The following ELAPOR1 variants were observed in gnomAD, a reference collection of about 807,000 sequenced individuals.
The protein encoded by ELAPOR1 is endosome/lysosome-associated apoptosis and autophagy regulator 1.
Under a neutral mutation model 119.7 loss-of-function variants are expected in ELAPOR1, and 77 were observed. That is an observed-to-expected ratio of 0.64 (90% CI 0.54 to 0.78). ELAPOR1 has a LOEUF of 0.78. Among genes scored for constraint, ELAPOR1 ranks in the 30% least tolerant of loss-of-function variants. The probability of loss-of-function intolerance (pLI) is 0.00; values close to 1 mark genes in which losing one functional copy is unlikely to be tolerated. For synonymous variants in ELAPOR1, 481 were observed against 487.2 expected, an observed-to-expected ratio of 0.99 and a Z score of 0.17; for missense variants, 1,115 against 1,270.4, an observed-to-expected ratio of 0.88 and a Z score of 1.86.
chr1:109,187,575 C>G, intron 8 of ELAPOR1: 6 of 1,002,074 alleles, frequency 6.0e-6, no homozygotes, highest in Non-Finnish European at 7.2e-6. Flanking sequence ...TGGAGCTGCC[C>G]ACCTTCACCC....
At chr1:109,153,887 C>T (rs1650693514) in intron 1 of ELAPOR1, among the ~76,000 whole-genome samples, 2 of 151,930 alleles carry the variant, frequency 1.3e-5, no homozygotes, top group Non-Finnish European at 2.9e-5. Flanking sequence ...TGTGCCCGGC[C>T]CAGATTTTTA....
At chr1:109,138,424 C>G (rs1649610559) in intron 1 of ELAPOR1, among the ~76,000 whole-genome samples, 1 of 152,100 alleles carries the variant, frequency 6.6e-6, no homozygotes. Context: ...CACAGAGGCA[C>G]CTGCCCAGGT....
In ELAPOR1 at chr1:109,192,861, C is replaced by T. The variant is rs1653540582; in HGVS notation, c.1934C>T (p.Thr645Ile). ...VQACVPCGPG[T>I]KNNKIHSLCY... ...GCCTGTGTGCCCTGTGGTCCAGGGA[C>T]CAAGAACAACAAGGTACCTGTAGTC... The change falls in exon 14 of 22, where the codon ACC becomes ATC. Residue 645 changes from threonine to isoleucine, a missense_variant. Physicochemically the swap from Thr to Ile is moderately conservative, Grantham distance 89. Coordinates refer to ENST00000369939, the MANE Select transcript of ELAPOR1 (RefSeq NM_020775.5). The T allele has an allele frequency of 6.2e-7, 1 of 1,613,726 alleles. No homozygotes were observed. The highest frequency in any genetic ancestry group is 8.5e-7 in the Non-Finnish European group (1 of 1,179,960).
chr1:109,197,614 G>A lies in ELAPOR1; in HGVS notation c.2262G>A (p.Gly754=), dbSNP rs370324946. 6.2e-7 allele frequency: 1 copy of A among 1,614,180 alleles called. No individual in the cohort carries two copies. ...CAGAGGTGACAGGCTACAAGGCCGGGGTTTCCTCACAGCCTGTCAGCCTTG... is the reference window on the plus strand; with the variant it reads ...CAGAGGTGACAGGCTACAAGGCCGGAGTTTCCTCACAGCCTGTCAGCCTTG... The part of the protein sequence containing the change: ...IPPEVTGYKA[G]VSSQPVSLAD... Residue 754 remains glycine (G), a synonymous_variant, in exon 16 of 22, where the codon GGG becomes GGA. Transcript: ENST00000369939.
intron 21 of ELAPOR1, chr1:109,201,305 G>T (rs1305392392): frequency 1.1e-5 from 5 of 457,562 alleles, no homozygotes; most frequent in Admixed American, 4.7e-5. Context: ...CCAGTGGGGG[G>T]TGCTGTCTTC....
rs1290193801 is a variant in ELAPOR1, at chr1:109,179,396, G to A, written c.952+5559G>A. 3.0e-5 allele frequency among the ~76,000 whole-genome samples: 4 copies of A among 134,194 alleles called. No homozygotes were observed. The Admixed American group carries it at 3.1e-4, about 10-fold the overall frequency. The allele number at this position is 134,194 out of a possible 152,430, so 88.0% of individuals were successfully genotyped here. On this transcript the variant is annotated intron_variant, in intron 7 of 21. Transcript: ENST00000369939. ...TGCACTCCAGCCTGGGTGACAGAGT[G>A]AGACTCTGTCTCCAAAAAAAAAAAA...
At position 109,175,051 on chromosome 1, in the gene ELAPOR1, G is replaced by T. The variant is rs573911894; in HGVS notation, c.952+1214G>T. On this transcript the variant is annotated intron_variant, in intron 7 of 21. Coordinates refer to ENST00000369939, the MANE Select transcript of ELAPOR1 (RefSeq NM_020775.5). ...CTTTTTGTTGCTGTTGTAGAAACAC[G>T]GTCTCACTGTGTTGCCCAGGCTGGT... Among the ~76,000 whole-genome samples the T allele has an allele frequency of 5.9e-5, 9 of 151,866 alleles. No homozygotes were observed. The South Asian group carries it at 1.9e-3, about 32-fold the overall frequency.
intron 8 of ELAPOR1, 120 bp downstream of exon 8, chr1:109,185,253 A>G: frequency 1.3e-6 from 1 of 767,630 alleles, no homozygotes; most frequent in South Asian, 1.5e-5. Flanking sequence ...AACCCCACAG[A>G]CCTTTGAGGT....
intron 7 of ELAPOR1, among the ~76,000 whole-genome samples, chr1:109,176,600 T>C (rs1036830076): frequency 1.3e-5 from 2 of 151,044 alleles, no homozygotes; most frequent in Non-Finnish European, 2.9e-5. Context: ...AGTTTTCTTT[T>C]TTTTTCTTTT....
intron 2 of ELAPOR1, among the ~76,000 whole-genome samples, chr1:109,164,207 C>T (rs896339968): frequency 1.3e-5 from 2 of 152,156 alleles, no homozygotes; most frequent in African/African-American, 4.8e-5. Flanking sequence ...CCCCAGGCCC[C>T]TCCCCACAGC....
intron 7 of ELAPOR1, among the ~76,000 whole-genome samples, chr1:109,178,360 G>A (rs17014498): frequency 0.46 from 70,421 of 151,946 alleles, 17,328 homozygotes; most frequent in African/African-American, 0.64. Context: ...CAACCTCACC[G>A]GCTTGGGGTA....
intron 7 of ELAPOR1, among the ~76,000 whole-genome samples, chr1:109,179,401 T>C (rs1223658248): frequency 3.6e-5 from 4 of 111,060 alleles, no homozygotes; most frequent in Admixed American, 3.2e-4. Flanking sequence ...AGAGTGAGAC[T>C]CTGTCTCCAA....
rs1489082510 is a variant in ELAPOR1 at position 109,205,704 on chromosome 1, A to G, written c.*2692A>G. 1 of 152,174 alleles carries G rather than the reference A, an allele frequency of 6.6e-6. No individual in the cohort carries two copies. The highest frequency in any genetic ancestry group is 1.5e-5 in the Non-Finnish European group (1 of 68,036). The allele number at this position is 152,174 out of a possible 1,614,324, so 9.4% of individuals were successfully genotyped here. On this transcript the variant is annotated 3_prime_UTR_variant, in exon 22 of 22. Transcript: ENST00000369939. ...TATTCCGGAAACAGTAGGAAAAATT[A>G]CATATGTCTTTGACTTCTTTATTCT...
intron 7 of ELAPOR1, among the ~76,000 whole-genome samples, chr1:109,177,632 A>G (rs548045722): frequency 6.6e-6 from 1 of 151,620 alleles, no homozygotes; most frequent in Non-Finnish European, 1.5e-5. Context: ...TCACGCCACT[A>G]TGAGTGCAGT....
At chr1:109,161,666 A>G in intron 1 of ELAPOR1, 1 of 395,576 alleles carries the variant, frequency 2.5e-6, no homozygotes, top group East Asian at 3.8e-5. Flanking sequence ...AGAGAGTCAC[A>G]CACAAAAATG....
chr1:109,144,622 A>C (rs957737798), intron 1 of ELAPOR1, among the ~76,000 whole-genome samples: 2 of 152,036 alleles, frequency 1.3e-5, no homozygotes, highest in African/African-American at 4.8e-5. Flanking sequence ...TATGCCAGTA[A>C]TCCCAGCTAC....
At chr1:109,147,159 G>A (rs112578315) in intron 1 of ELAPOR1, among the ~76,000 whole-genome samples, 10,917 of 149,954 alleles carry the variant, frequency 0.073, 507 homozygotes, top group African/African-American at 0.14. Flanking sequence ...CAGGTGATCT[G>A]CCCACCTCAG....
At chr1:109,192,524 ATTAAGTACC>A in intron 13 of ELAPOR1, 78 bp from the exon 14 acceptor site, 1 of 1,380,070 alleles carries the variant, frequency 7.2e-7, no homozygotes, top group Non-Finnish European at 1.0e-6. Flanking sequence ...AGGATAGAAG[ATTAAGTACC>A]TTGCTCTTTC....
chr1:109,175,347 C>T (rs984130615), intron 7 of ELAPOR1, among the ~76,000 whole-genome samples: 3 of 151,046 alleles, frequency 2.0e-5, no homozygotes, highest in Admixed American at 6.6e-5. Context: ...GGATTACAGG[C>T]GTGCACCACC....
Sources: allele counts gnomAD v4.1 joint callset (sites outside exome capture counted in the v4.1 genomes callset), GRCh38; gene constraint gnomAD v4.1.1; transcripts MANE v1.5; gene names NCBI Gene and HGNC (gene_info 2026-07-23, HGNC 2026-07-21).